RCSD1: variants seen among roughly 807,000 people sequenced by gnomAD.
RCSD1 encodes RCSD domain containing 1.
In RCSD1, 26 loss-of-function variants were observed where a neutral mutation model predicts 42.5. The observed-to-expected ratio is 0.61, with a 90% CI of 0.45 to 0.85. RCSD1 has a LOEUF of 0.85. RCSD1 is among the 40% of genes least tolerant of loss of function. The pLI is 0.00. For synonymous variants in RCSD1, 220 were observed against 212.2 expected, an observed-to-expected ratio of 1.04 and a Z score of -0.32; for missense variants, 571 against 528.3, an observed-to-expected ratio of 1.08 and a Z score of -0.79.
chr1:167,681,667 G>A (rs912613394), intron 1 of RCSD1, among the ~76,000 whole-genome samples: 13 of 152,114 alleles, frequency 8.5e-5, no homozygotes, highest in Non-Finnish European at 1.6e-4. Flanking sequence ...AGTGATTGGC[G>A]CCTTTGAAAC....
chr1:167,631,726 C>A (rs553451314), intron 1 of RCSD1, among the ~76,000 whole-genome samples: 1 of 152,338 alleles, frequency 6.6e-6, no homozygotes, highest in African/African-American at 2.4e-5. Context: ...CTCAAGTGAT[C>A]CTCTAAGCCT....
At position 167,697,579 on chromosome 1, in the gene RCSD1, G is replaced by A; in HGVS notation, c.955G>A (p.Gly319Arg). Reference sequence around the variant, plus strand: ...GATGGAAAAGGCTACAGAGGTGAAGGGGGAGAGGGTGCAAAATGAAGAGGT... The same window carrying A: ...GATGGAAAAGGCTACAGAGGTGAAGAGGGAGAGGGTGCAAAATGAAGAGGT... ...AEMEKATEVKGERVQNEEVGP... is the reference protein window; with the variant it reads ...AEMEKATEVKRERVQNEEVGP... Residue 319 changes from glycine (G) to arginine (R), a missense_variant, in exon 6 of 7, where the codon GGG becomes AGG. Transcript: ENST00000367854. The A allele has an allele frequency of 1.9e-6, 3 of 1,608,058 alleles. No homozygotes were observed. Among genetic ancestry groups the A allele is most frequent in the Non-Finnish European group, 2.5e-6 (3 of 1,177,288 alleles).
At position 167,675,444 on chromosome 1, in the gene RCSD1, T is replaced by C. The variant is rs1253710941; in HGVS notation, c.7-8456T>C. ...CTTATTCACTACCATGAGAACAGCA[T>C]GGGAAACAACTGCTCCCATAATTCA... On this transcript the variant is annotated intron_variant, in intron 1 of 6. Transcript: ENST00000367854. Among the ~76,000 whole-genome samples the C allele has an allele frequency of 3.3e-5, 5 of 152,200 alleles. No individual in the cohort carries two copies. The East Asian group carries it at 9.7e-4, about 29-fold the overall frequency.
chr1:167,630,889 GGT>G (rs1571660933), intron 1 of RCSD1, among the ~76,000 whole-genome samples: 3 of 152,306 alleles, frequency 2.0e-5, no homozygotes, highest in East Asian at 3.9e-4. Flanking sequence ...CGTCTTCGTG[GGT>G]CTGTGGGCTT....
chr1:167,655,380 T>C (rs1658401866), intron 1 of RCSD1, among the ~76,000 whole-genome samples: 1 of 152,228 alleles, frequency 6.6e-6, no homozygotes, highest in African/African-American at 2.4e-5. Context: ...CTCTCCTCTT[T>C]TATTTTTTAG....
At chr1:167,671,065 C>T (rs1658795342) in intron 1 of RCSD1, among the ~76,000 whole-genome samples, 1 of 152,204 alleles carries the variant, frequency 6.6e-6, no homozygotes, top group Non-Finnish European at 1.5e-5. Flanking sequence ...TCTGCTGAAT[C>T]CCTATTCTCC....
chr1:167,644,229 C>T (rs1658074085), intron 1 of RCSD1, among the ~76,000 whole-genome samples: 1 of 152,162 alleles, frequency 6.6e-6, no homozygotes, highest in Non-Finnish European at 1.5e-5. Flanking sequence ...TCTGTAATTT[C>T]AGCACTTTGG....
At chr1:167,658,611 T>C (rs1379064028) in intron 1 of RCSD1, among the ~76,000 whole-genome samples, 5 of 151,980 alleles carry the variant, frequency 3.3e-5, no homozygotes, top group African/African-American at 1.2e-4. Flanking sequence ...TTCTTTTTTT[T>C]GGAGAGACGG....
chr1:167,647,172 A>T (rs1571675200), intron 1 of RCSD1, among the ~76,000 whole-genome samples: 1 of 150,560 alleles, frequency 6.6e-6, no homozygotes, highest in Non-Finnish European at 1.5e-5. Flanking sequence ...CAACAGAATT[A>T]CTTGTCCATT....
intron 1 of RCSD1, among the ~76,000 whole-genome samples, chr1:167,672,963 G>A (rs1475752132): frequency 6.6e-6 from 1 of 152,110 alleles, no homozygotes; most frequent in African/African-American, 2.4e-5. Flanking sequence ...ACTATCCCGT[G>A]ATAGTTGGGA....
In RCSD1 at chr1:167,630,256, G is replaced by C. The variant is rs1657659840; in HGVS notation, c.-168G>C. The C allele has an allele frequency of 1.2e-5, 4 of 346,120 alleles. No individual in the cohort carries two copies. Among genetic ancestry groups the C allele is most frequent in the Non-Finnish European group, 1.6e-5 (4 of 247,212 alleles). The allele number at this position is 346,120 out of a possible 1,614,324, so 21.4% of individuals were successfully genotyped here. ...TCTCTCGCGCAGGGCCCCCGCGGCC[G>C]GGGCAGTCCCGCAGCCGAGCGCAGC... On this transcript the variant is annotated 5_prime_UTR_variant, in exon 1 of 7. Transcript: ENST00000367854.
Position 167,683,908 on chromosome 1 carries a change from G to A in RCSD1, c.15G>A (p.Pro5=), listed in dbSNP as rs373199962. MEER[P]AETNANVDNS... is the part of the protein sequence containing the mutation. ...TCTTCTCCATTTGCCAGGAAAGACC[G>A]GCAGAGACCAATGCCAATGTGGACA... The change falls in exon 2 of 7, where the codon CCG becomes CCA. Residue 5 remains proline, a synonymous_variant. Transcript: ENST00000367854. 1.5e-5 allele frequency: 25 copies of A among 1,614,086 alleles called. No individual in the cohort carries two copies. The highest frequency in any genetic ancestry group is 5.3e-5 in the African/African-American group (4 of 75,042).
chr1:167,630,445 G>T lies in RCSD1; in HGVS notation c.6+16G>T. Reference sequence around the variant, plus strand: ...GGACATGGAGGTAAAGGACCCCGGAGGGAGACGCGGGGCTGAGCGGTGAGC... The same window carrying T: ...GGACATGGAGGTAAAGGACCCCGGATGGAGACGCGGGGCTGAGCGGTGAGC... On this transcript the variant is annotated intron_variant, in intron 1 of 6. Transcript: ENST00000367854. 6.5e-7 allele frequency: 1 copy of T among 1,536,294 alleles called. No individual in the cohort carries two copies. Among genetic ancestry groups the T allele is most frequent in the Non-Finnish European group, 8.8e-7 (1 of 1,139,262 alleles).
chr1:167,647,728 G>T (rs1658197146), intron 1 of RCSD1, among the ~76,000 whole-genome samples: 1 of 152,130 alleles, frequency 6.6e-6, no homozygotes, highest in African/African-American at 2.4e-5. Context: ...GACAGAGTAA[G>T]ACCCTATATC....
At chr1:167,649,344 C>T (rs565211490) in intron 1 of RCSD1, among the ~76,000 whole-genome samples, 24 of 152,146 alleles carry the variant, frequency 1.6e-4, no homozygotes, top group African/African-American at 2.2e-4. Context: ...ACACAGAAGG[C>T]GCTTGGGGCT....
rs1170842783 is a variant in RCSD1, at chr1:167,705,965, A to C, written c.*1269A>C. On this transcript the variant is annotated 3_prime_UTR_variant, in exon 7 of 7. Coordinates refer to ENST00000367854, the MANE Select transcript of RCSD1 (RefSeq NM_052862.4). ...TAATGTCTCAGTGTGCTGATTTGGT[A>C]GTTGGAAGAATTATTCTTCTGGAGG... 6.6e-6 allele frequency: 1 copy of C among 152,158 alleles called. No individual in the cohort carries two copies. The highest frequency in any genetic ancestry group is 2.4e-5 in the African/African-American group (1 of 41,432). The allele number at this position is 152,158 out of a possible 1,614,324, so 9.4% of individuals were successfully genotyped here.
chr1:167,701,332 G>A (rs141186115), intron 6 of RCSD1, among the ~76,000 whole-genome samples: 980 of 87,630 alleles, frequency 0.011, 17 homozygotes, highest in African/African-American at 0.035. Context: ...TTTAGATGGA[G>A]TGTTGCTCTG....
chr1:167,684,379 G>A (rs1355491514), intron 2 of RCSD1, among the ~76,000 whole-genome samples: 3 of 152,220 alleles, frequency 2.0e-5, no homozygotes, highest in Non-Finnish European at 4.4e-5. Context: ...CCAGAGCAAG[G>A]CAAGGCTGGG....
chr1:167,694,077 A>G (rs1417643829), intron 4 of RCSD1, 22 bp from the exon 5 acceptor site: 1 of 1,612,788 alleles, frequency 6.2e-7, no homozygotes, highest in Non-Finnish European at 8.5e-7. Context: ...CCTATTTGAA[A>G]TTGTTCATCT....
Sources: allele counts gnomAD v4.1 joint callset (sites outside exome capture counted in the v4.1 genomes callset), GRCh38; gene constraint gnomAD v4.1.1; transcripts MANE v1.5; gene names NCBI Gene and HGNC (gene_info 2026-07-23, HGNC 2026-07-21).